Variants in EIF4G3 observed in about 807,000 individuals in gnomAD.
EIF4G3 encodes the protein eIF-4-gamma 3.
Under a neutral mutation model 186.4 loss-of-function variants are expected in EIF4G3, and 34 were observed. The ratio of observed to expected loss-of-function variants is 0.18; its 90% CI spans 0.14 to 0.24. The LOEUF is 0.24. Ranked by LOEUF, EIF4G3 falls within the 10% of genes least tolerant of loss-of-function variation. EIF4G3 has a pLI of 1.00. For missense variants in EIF4G3, 1,536 were observed against 1,948.5 expected, an observed-to-expected ratio of 0.79 and a Z score of 3.99; for synonymous variants, 673 against 679.5, an observed-to-expected ratio of 0.99 and a Z score of 0.15.
chr1:20,811,278 T>C (rs1156524360), intron 35 of EIF4G3, among the ~76,000 whole-genome samples: 1 of 148,750 alleles, frequency 6.7e-6, no homozygotes, highest in Non-Finnish European at 1.5e-5. Flanking sequence ...TCTTCTTCTA[T>C]TTTAGATTTT....
intron 14 of EIF4G3, among the ~76,000 whole-genome samples, chr1:20,922,276 G>A (rs2094537324): frequency 6.6e-6 from 1 of 152,108 alleles, no homozygotes; most frequent in Admixed American, 6.5e-5. Context: ...TCACTTGCAT[G>A]AGAATGATTC....
chr1:20,858,857 C>A (rs1265968665), intron 24 of EIF4G3, among the ~76,000 whole-genome samples: 1 of 152,042 alleles, frequency 6.6e-6, no homozygotes, highest in East Asian at 1.9e-4. Flanking sequence ...ATTAGCCAGG[C>A]GTGGTGGTGG....
intron 2 of EIF4G3, among the ~76,000 whole-genome samples, chr1:21,164,051 A>T (rs991717786): frequency 2.0e-5 from 3 of 152,064 alleles, no homozygotes; most frequent in African/African-American, 7.2e-5. Flanking sequence ...TGGGATTACA[A>T]GTGTGAGCCA....
Position 20,956,288 on chromosome 1 carries a change from CAGTT to C in EIF4G3, c.715-6181_715-6178del, listed in dbSNP as rs149205371. Among the ~76,000 whole-genome samples, 624 of 152,198 alleles carry C rather than the reference CAGTT, an allele frequency of 4.1e-3. 7 individuals are homozygous for C. Among genetic ancestry groups the C allele is most frequent in the African/African-American group, 0.014 (596 of 41,522 alleles). ...GGACTTTTGTATGTTTTTGTATGGA[CAGTT>C]AGTCAATAGTGAAGAGACACTGGAT... On this transcript the variant is annotated intron_variant, in intron 12 of 36. Transcript: ENST00000602326.
chr1:21,117,622 A>G (rs2096847759), intron 2 of EIF4G3, among the ~76,000 whole-genome samples: 1 of 151,538 alleles, frequency 6.6e-6, no homozygotes, highest in African/African-American at 2.4e-5. Flanking sequence ...GAGAGAAAGG[A>G]CTAGTGCAAG....
intron 3 of EIF4G3, among the ~76,000 whole-genome samples, chr1:21,053,315 G>A (rs1436704627): frequency 2.0e-5 from 3 of 150,000 alleles, no homozygotes; most frequent in Non-Finnish European, 3.0e-5. Context: ...CAGCCACTCC[G>A]TCTGGGAAGT....
Position 20,973,042 on chromosome 1 carries a change from G to A in EIF4G3, c.551C>T (p.Thr184Met), listed in dbSNP as rs768014443. 16 of 1,609,782 alleles carry A rather than the reference G, an allele frequency of 9.9e-6. No individual in the cohort carries two copies. The highest frequency in any genetic ancestry group is 2.7e-5 in the African/African-American group (2 of 74,690). ...CTTGGCTGGAGGCGGCTGTTGCTGC[G>A]TAGGCACTATGATAGGTGCTGACTG... ...VYQSAPIIVPTQQQPPPAKRE... is the reference protein window; with the variant it reads ...VYQSAPIIVPMQQQPPPAKRE... Residue 184 changes from threonine (T) to methionine (M), a missense_variant, in exon 11 of 37, where the codon ACG (threonine) becomes ATG (methionine). Transcript: ENST00000602326.
At chr1:20,883,253 T>A (rs1406175364) in intron 19 of EIF4G3, among the ~76,000 whole-genome samples, 1 of 152,070 alleles carries the variant, frequency 6.6e-6, no homozygotes, top group Non-Finnish European at 1.5e-5. Context: ...CTAGGGTTGA[T>A]TAGAGACCAG....
intron 20 of EIF4G3, among the ~76,000 whole-genome samples, chr1:20,876,453 A>G (rs1325565940): frequency 2.0e-5 from 3 of 150,950 alleles, no homozygotes; most frequent in Non-Finnish European, 4.4e-5. Flanking sequence ...TAAAAAAAAA[A>G]AAAAAAACAA....
chr1:21,119,358 T>C (rs1030237477), intron 2 of EIF4G3, among the ~76,000 whole-genome samples: 2 of 152,072 alleles, frequency 1.3e-5, no homozygotes, highest in Admixed American at 1.3e-4. Context: ...AAGTAACCTA[T>C]TGAAGGTAAC....
chr1:21,113,248 G>T (rs74853868), intron 2 of EIF4G3, among the ~76,000 whole-genome samples: 1 of 149,740 alleles, frequency 6.7e-6, no homozygotes, highest in African/African-American at 2.4e-5. Flanking sequence ...TTCATGTCTG[G>T]TTTAATGGTA....
Position 21,002,751 on chromosome 1 carries a change from G to A in EIF4G3, c.-9C>T, listed in dbSNP as rs776937508. ...TGAGGTTGTGAATTCATTGTCTGAG[G>A]GGTTTGAGGGTATACCAGCGTGGTT... On this transcript the variant is annotated 5_prime_UTR_variant, in exon 5 of 37. Transcript: ENST00000602326. 32 of 1,613,524 alleles carry A rather than the reference G, an allele frequency of 2.0e-5. No homozygotes were observed. Among genetic ancestry groups the A allele is most frequent in the Non-Finnish European group, 2.7e-5 (32 of 1,179,802 alleles).
At chr1:21,065,386 G>A (rs1321929386) in intron 3 of EIF4G3, among the ~76,000 whole-genome samples, 1 of 134,328 alleles carries the variant, frequency 7.4e-6, no homozygotes, top group African/African-American at 2.7e-5. Flanking sequence ...AGAGCATGGG[G>A]TTGTTTCTAC....
At chr1:20,928,583 T>C (rs757077081) in intron 14 of EIF4G3, among the ~76,000 whole-genome samples, 7 of 152,108 alleles carry the variant, frequency 4.6e-5, no homozygotes, top group Non-Finnish European at 8.8e-5. Flanking sequence ...TTTCTATTTT[T>C]AGTAGAGACA....
At chr1:20,830,060 T>G (rs1344850365) in intron 30 of EIF4G3, among the ~76,000 whole-genome samples, 1 of 152,036 alleles carries the variant, frequency 6.6e-6, no homozygotes, top group East Asian at 1.9e-4. Context: ...CAAAAGCAAA[T>G]GAATTTAACT....
chr1:20,991,376 T>A (rs2081064120), intron 7 of EIF4G3, among the ~76,000 whole-genome samples: 1 of 152,118 alleles, frequency 6.6e-6, no homozygotes, highest in African/African-American at 2.4e-5. Context: ...AAGACTGGCC[T>A]GACCAACATG....
intron 2 of EIF4G3, chr1:21,111,722 G>T: frequency 6.3e-6 from 1 of 158,806 alleles, no homozygotes; most frequent in Non-Finnish European, 1.4e-5. Flanking sequence ...AATTCTGAAA[G>T]ATACTGATTG....
At chr1:20,819,508 A>T (rs1289694407) in intron 33 of EIF4G3, among the ~76,000 whole-genome samples, 1 of 151,798 alleles carries the variant, frequency 6.6e-6, no homozygotes, top group Non-Finnish European at 1.5e-5. Context: ...CCCGGGTTGC[A>T]GTGCAATGGC....
rs577820836 is a variant in EIF4G3 at position 20,825,450 on chromosome 1, C to T, written c.4270-252G>A. 5.9e-5 allele frequency among the ~76,000 whole-genome samples: 9 copies of T among 152,090 alleles called. No homozygotes were observed. In the South Asian group the frequency reaches 1.0e-3, roughly 18 times the overall value. ...GCAACACACACAGCAAGACCAGTCT[C>T]GAAAACAAACTTTTCCTCACTGATA... On this transcript the variant is annotated intron_variant, in intron 32 of 36. Coordinates refer to ENST00000602326, the MANE Select transcript of EIF4G3 (RefSeq NM_001391906.1).
Sources: allele counts gnomAD v4.1 joint callset (sites outside exome capture counted in the v4.1 genomes callset), GRCh38; gene constraint gnomAD v4.1.1; transcripts MANE v1.5; gene names NCBI Gene and HGNC (gene_info 2026-07-23, HGNC 2026-07-21).